CDC42BPA: variants seen among roughly 807,000 people sequenced by gnomAD.
The protein encoded by CDC42BPA is serine/threonine-protein kinase MRCK alpha.
A neutral mutation model predicts 223.5 loss-of-function variants in CDC42BPA; 80 were observed. The observed-to-expected ratio is 0.36, with a 90% confidence interval of 0.30 to 0.43. The LOEUF (loss-of-function observed/expected upper bound fraction) is 0.43. CDC42BPA is among the 20% of genes least tolerant of loss of function. The pLI is 1.00. For synonymous variants in CDC42BPA, 694 were observed against 718.6 expected (o/e 0.97, Z 0.55); for missense variants, 1,743 against 2,099.9 (o/e 0.83, Z 3.32).
chr1:227,141,575 T>G (rs1328120859), intron 9 of CDC42BPA, among the ~76,000 whole-genome samples: 1 of 152,194 alleles, frequency 6.6e-6, no homozygotes, highest in Non-Finnish European at 1.5e-5. Flanking sequence ...GGAAGTTGTC[T>G]GCGGTTTGCC....
chr1:227,035,377 C>A, intron 25 of CDC42BPA, 94 bp downstream of exon 25: 1 of 891,420 alleles, frequency 1.1e-6, no homozygotes, highest in Non-Finnish European at 1.7e-6. Context: ...TTTAATTTTC[C>A]ATCAAGAACT....
intron 21 of CDC42BPA, among the ~76,000 whole-genome samples, chr1:227,064,359 T>C (rs1274886797): frequency 2.0e-5 from 3 of 152,192 alleles, no homozygotes; most frequent in Non-Finnish European, 4.4e-5. Context: ...TTCTCAAATA[T>C]AAAGAGCAAG....
At position 227,224,795 on chromosome 1, in the gene CDC42BPA, TTTA is replaced by T. The variant is rs1397488022; in HGVS notation, c.271-11579_271-11577del. ...CAACTGGCAAGTCCTCTTCTAGAAA[TTTA>T]TTCTTAGAAAATCATTTGAAGTGTA... On this transcript the variant is annotated intron_variant, in intron 2 of 36. Transcript: ENST00000366766. Among the ~76,000 whole-genome samples, 12 of 152,324 alleles carry T rather than the reference TTTA, an allele frequency of 7.9e-5. No individual in the cohort carries two copies. The South Asian group carries it at 2.3e-3, about 29-fold the overall frequency.
chr1:227,313,675 G>A (rs987025785), intron 1 of CDC42BPA, among the ~76,000 whole-genome samples: 4 of 151,920 alleles, frequency 2.6e-5, no homozygotes, highest in African/African-American at 9.7e-5. Flanking sequence ...CTAACAATGA[G>A]GAACAGCATA....
intron 21 of CDC42BPA, among the ~76,000 whole-genome samples, chr1:227,056,783 A>C (rs6696791): frequency 0.12 from 18,704 of 152,260 alleles, 1,286 homozygotes; most frequent in Middle Eastern, 0.16. Flanking sequence ...ATTGAGAACA[A>C]GTATAAACTC....
chr1:227,311,850 TCCTCTTC>T (rs1693593894), intron 1 of CDC42BPA, among the ~76,000 whole-genome samples: 1 of 152,196 alleles, frequency 6.6e-6, no homozygotes, highest in East Asian at 1.9e-4. Context: ...CCCCCATGTC[TCCTCTTC>T]CCATCTATTT....
chr1:227,099,558 T>C (rs1402276453), intron 15 of CDC42BPA, among the ~76,000 whole-genome samples: 1 of 152,162 alleles, frequency 6.6e-6, no homozygotes, highest in Non-Finnish European at 1.5e-5. Flanking sequence ...AATAAGAAAC[T>C]ATGCATCCAC....
At chr1:227,030,789 C>G (rs1669137550) in intron 28 of CDC42BPA, among the ~76,000 whole-genome samples, 1 of 152,138 alleles carries the variant, frequency 6.6e-6, no homozygotes, top group South Asian at 2.1e-4. Context: ...GAACCATACT[C>G]ATTGAACTTT....
At chr1:227,308,049 T>C (rs990508998) in intron 1 of CDC42BPA, among the ~76,000 whole-genome samples, 11 of 152,274 alleles carry the variant, frequency 7.2e-5, no homozygotes, top group African/African-American at 2.4e-4. Context: ...CACAGAAATA[T>C]TGGCATCTTC....
chr1:227,210,441 C>T (rs1274306448), intron 3 of CDC42BPA, among the ~76,000 whole-genome samples: 5 of 152,038 alleles, frequency 3.3e-5, no homozygotes, highest in African/African-American at 1.2e-4. Flanking sequence ...ATATAAATGT[C>T]CAGAATCTTC....
At chr1:227,012,800 G>A (rs1373439283) in intron 34 of CDC42BPA, among the ~76,000 whole-genome samples, 1 of 151,954 alleles carries the variant, frequency 6.6e-6, no homozygotes, top group African/African-American at 2.4e-5. Flanking sequence ...AATATCACAA[G>A]CTTTTCAATA....
chr1:227,294,217 A>G (rs967076593), intron 1 of CDC42BPA, among the ~76,000 whole-genome samples: 3 of 151,906 alleles, frequency 2.0e-5, no homozygotes, highest in Non-Finnish European at 4.4e-5. Flanking sequence ...GCTTGCAGTG[A>G]GCTGAGATCG....
chr1:227,068,759 GAA>G, intron 21 of CDC42BPA: 1 of 595,558 alleles, frequency 1.7e-6, no homozygotes, highest in Non-Finnish European at 2.4e-6. Context: ...AATTTAATAA[GAA>G]TAATAAATCA....
At chr1:227,251,846 A>G (rs1276184448) in intron 2 of CDC42BPA, among the ~76,000 whole-genome samples, 1 of 152,166 alleles carries the variant, frequency 6.6e-6, no homozygotes, top group Admixed American at 6.5e-5. Context: ...AATCACATAG[A>G]GTATGCGTTC....
At chr1:227,123,679 G>A (rs1246731015) in intron 11 of CDC42BPA, among the ~76,000 whole-genome samples, 2 of 152,172 alleles carry the variant, frequency 1.3e-5, no homozygotes, top group East Asian at 3.8e-4. Flanking sequence ...CCAGTGGGAG[G>A]TTGGCAGAAT....
chr1:227,291,268 G>A (rs1332407813), intron 1 of CDC42BPA, among the ~76,000 whole-genome samples: 3 of 152,166 alleles, frequency 2.0e-5, no homozygotes, highest in Admixed American at 2.0e-4. Context: ...AGAAGTCTAG[G>A]CTGGGCGCGG....
chr1:227,030,134 C>CAAA (rs112837037), intron 29 of CDC42BPA, among the ~76,000 whole-genome samples: 2 of 119,348 alleles, frequency 1.7e-5, no homozygotes, highest in Non-Finnish European at 3.6e-5. Context: ...ACTCTGTCTC[C>CAAA]AAAAAAAAAA....
At chr1:227,243,614 G>T (rs1160945977) in intron 2 of CDC42BPA, among the ~76,000 whole-genome samples, 1 of 152,042 alleles carries the variant, frequency 6.6e-6, no homozygotes, top group Admixed American at 6.6e-5. Flanking sequence ...TGACCTTGAG[G>T]TTAGAAAAAA....
chr1:227,102,495 T>A (rs573173071), intron 14 of CDC42BPA, among the ~76,000 whole-genome samples: 23 of 152,176 alleles, frequency 1.5e-4, no homozygotes, highest in Non-Finnish European at 2.8e-4. Context: ...TGCATTTTTC[T>A]AACTACTTAA....
Sources: gnomAD v4.1 joint callset for allele counts (sites outside exome capture counted in the v4.1 genomes callset) on GRCh38, gnomAD v4.1.1 for gene constraint, MANE v1.5 for transcripts, NCBI Gene and HGNC (gene_info 2026-07-23, HGNC 2026-07-21) for gene names.